The following OR1L8 variants were observed in gnomAD, a reference collection of about 807,000 sequenced individuals.
OR1L8 encodes the protein olfactory receptor 1L8.
For synonymous variants in OR1L8, 148 were observed against 147.0 expected, an observed-to-expected ratio of 1.01 and a Z score of -0.05; for missense variants, 330 against 377.4, an observed-to-expected ratio of 0.87 and a Z score of 1.04.
At position 122,567,690 on chromosome 9, in the gene OR1L8, G is replaced by GA. The variant is rs1829455132; in HGVS notation, c.787_788insT (p.Pro263LeufsTer57). ...GTCCTTGACAGCGTAGGTGGATGGG[G>GA]GCTGTAAATAGACACAGAAGATGCT... On this transcript the variant is annotated frameshift_variant, in exon 5 of 5. Coordinates refer to ENST00000641027, the MANE Select transcript of OR1L8 (RefSeq NM_001004454.2). LOFTEE classifies it low-confidence loss of function (END_TRUNC). The GA allele has an allele frequency of 1.2e-6, 2 of 1,614,104 alleles. No individual in the cohort carries two copies. Among genetic ancestry groups the GA allele is most frequent in the East Asian group, 4.5e-5 (2 of 44,878 alleles).
chr9:122,582,655 G>A (rs1829751969), intron 1 of OR1L8, among the ~76,000 whole-genome samples: 1 of 152,078 alleles, frequency 6.6e-6, no homozygotes, highest in Non-Finnish European at 1.5e-5. Context: ...AGGAGTTTGA[G>A]GCTACAGTAA....
the OR1L8 span, among the ~76,000 whole-genome samples, chr9:122,549,235 C>G: frequency 6.6e-6 from 1 of 152,014 alleles, no homozygotes; most frequent in African/African-American, 2.4e-5. Flanking sequence ...GCATGGCATC[C>G]CTCTTGTTAC....
intron 2 of OR1L8, among the ~76,000 whole-genome samples, chr9:122,577,161 T>C (rs1829671281): frequency 6.6e-6 from 1 of 152,228 alleles, no homozygotes; most frequent in Admixed American, 6.5e-5. Context: ...TAAAAATATT[T>C]GTTTCTATGA....
At position 122,570,244 on chromosome 9, in the gene OR1L8, G is replaced by T. The variant is rs1047574593; in HGVS notation, c.-212-1555C>A. 2.0e-5 allele frequency among the ~76,000 whole-genome samples: 3 copies of T among 151,402 alleles called. 1 individual carries two copies. In the South Asian group the frequency reaches 6.3e-4, roughly 32 times the overall value. On this transcript the variant is annotated intron_variant, in intron 4 of 4. Transcript: ENST00000641027. ...GGTATTTCTAGTTCTAGATCCCTGA[G>T]GAATCGCCACACTGACTTCCACAAT...
At position 122,567,952 on chromosome 9, in the gene OR1L8, G is replaced by A. The variant is rs774004806; in HGVS notation, c.526C>T (p.His176Tyr). The change falls in exon 5 of 5, where the codon CAC (histidine) becomes TAC (tyrosine). Residue 176 changes from histidine to tyrosine, a missense_variant. His to Tyr is a moderately conservative substitution (Grantham distance 83). Transcript: ENST00000641027. Reference sequence around the variant, plus strand: ...GGGCTGAGGTCACAGAGAAAGTGGTGGATAACATTGGAGTCACAGAAGGTG... The same window carrying A: ...GGGCTGAGGTCACAGAGAAAGTGGTAGATAACATTGGAGTCACAGAAGGTG... ...RLTFCDSNVI[H>Y]HFLCDLSPVL... 25 of 1,614,034 alleles carry A rather than the reference G, an allele frequency of 1.5e-5. No homozygotes were observed. Among genetic ancestry groups the A allele is most frequent in the Non-Finnish European group, 2.0e-5 (24 of 1,180,034 alleles).
the OR1L8 span, among the ~76,000 whole-genome samples, chr9:122,559,406 A>G: frequency 6.6e-6 from 1 of 152,090 alleles, no homozygotes; most frequent in African/African-American, 2.4e-5. Context: ...GCAACTATCA[A>G]CTGGTCATCT....
chr9:122,547,903 T>A, the OR1L8 span, among the ~76,000 whole-genome samples: 1 of 152,162 alleles, frequency 6.6e-6, no homozygotes, highest in Non-Finnish European at 1.5e-5. Context: ...TTTACATTCC[T>A]ACCAACATTG....
chr9:122,564,622 A>G (rs932547961), downstream of OR1L8, among the ~76,000 whole-genome samples: 9 of 152,334 alleles, frequency 5.9e-5, no homozygotes, highest in African/African-American at 2.2e-4. Context: ...CTGGAGAATG[A>G]CAGTGGATTA....
Position 122,567,358 on chromosome 9 carries a change from C to G in OR1L8, c.*190G>C. ...AGAAAGAGGAGACACAGACAGGAAA[C>G]GATTGTGATTTAAGAGATACAGGCC... On this transcript the variant is annotated 3_prime_UTR_variant, in exon 5 of 5. Transcript: ENST00000641027. 2.2e-6 allele frequency: 1 copy of G among 450,340 alleles called. No homozygotes were observed. Among genetic ancestry groups the G allele is most frequent in the Non-Finnish European group, 3.9e-6 (1 of 257,024 alleles). The allele number at this position is 450,340 out of a possible 1,614,324, so 27.9% of individuals were successfully genotyped here. A position where few individuals can be genotyped will look rare whatever the true frequency, so the allele number is the denominator to read the frequency against.
chr9:122,582,756 A>G (rs1588222248), intron 1 of OR1L8, among the ~76,000 whole-genome samples: 1 of 152,158 alleles, frequency 6.6e-6, no homozygotes, highest in East Asian at 1.9e-4. Flanking sequence ...AAAAAAAGAC[A>G]TAATGAGCAA....
In OR1L8 at chr9:122,568,449, AC is replaced by A; in HGVS notation, c.28del (p.Val10SerfsTer31). 1 of 1,607,568 alleles carries A rather than the reference AC, an allele frequency of 6.2e-7. No individual in the cohort carries two copies. The highest frequency in any genetic ancestry group is 8.5e-7 in the Non-Finnish European group (1 of 1,176,378). ...GAGTCCCAGGAGGATAAACTCGGAG[AC>A]ACTGCTGGTGTGGTTGATTCTTTCC... MERINHTSS[V>X]SEFILLGLSS... is the part of the protein sequence containing the mutation. On this transcript the variant is annotated frameshift_variant, in exon 5 of 5. Coordinates refer to ENST00000641027, the MANE Select transcript of OR1L8 (RefSeq NM_001004454.2). LOFTEE classifies it low-confidence loss of function (END_TRUNC).
At chr9:122,548,089 T>C in the OR1L8 span, among the ~76,000 whole-genome samples, 2 of 152,230 alleles carry the variant, frequency 1.3e-5, no homozygotes, top group East Asian at 1.9e-4. Flanking sequence ...TTGTATGTTT[T>C]GTTTTGCTCA....
At chr9:122,561,224 G>C in the OR1L8 span, among the ~76,000 whole-genome samples, 2 of 152,078 alleles carry the variant, frequency 1.3e-5, no homozygotes, top group African/African-American at 4.8e-5. Context: ...GATTGTTCTA[G>C]TTAGCAGCTC....
chr9:122,568,165 G>C lies in OR1L8; in HGVS notation c.313C>G (p.Leu105Val), dbSNP rs769760570. Residue 105 changes from leucine to valine, a missense_variant, in exon 5 of 5, where the codon CTC becomes GTC. By Grantham distance (32) the Leu-to-Val change is conservative. Coordinates refer to ENST00000641027, the MANE Select transcript of OR1L8 (RefSeq NM_001004454.2). ...CTGTCACTGTTGCCCAAGGCATAGA[G>C]AAAATACATCTGTGTCAGACACCCA... is the stretch of plus-strand genomic sequence containing the variant. The part of the protein sequence containing the change: ...YAGCLTQMYF[L>V]YALGNSDSCL... The C allele has an allele frequency of 3.8e-5, 62 of 1,614,092 alleles. No individual in the cohort carries two copies. The highest frequency in any genetic ancestry group is 5.0e-5 in the Non-Finnish European group (59 of 1,180,038).
chr9:122,579,850 T>C (rs1829716294), intron 1 of OR1L8, among the ~76,000 whole-genome samples: 1 of 152,140 alleles, frequency 6.6e-6, no homozygotes, highest in African/African-American at 2.4e-5. Flanking sequence ...TACAAAGTCA[T>C]TGGAAATGTT....
At chr9:122,575,838 C>G (rs77024519) in intron 3 of OR1L8, among the ~76,000 whole-genome samples, 2,382 of 152,270 alleles carry the variant, frequency 0.016, 32 homozygotes, top group South Asian at 0.025. Flanking sequence ...TACATTAGAT[C>G]TCTAGACTTG....
chr9:122,553,693 T>G, the OR1L8 span: 3 of 1,614,116 alleles, frequency 1.9e-6, no homozygotes, highest in Non-Finnish European at 1.7e-6. Flanking sequence ...CCTGCCCTGA[T>G]GCACACACTG....
At chr9:122,566,867 T>C (rs888347226), downstream of OR1L8, among the ~76,000 whole-genome samples, 32 of 152,204 alleles carry the variant, frequency 2.1e-4, no homozygotes, top group Non-Finnish European at 1.5e-5. Context: ...CAACCTCCCC[T>C]GTGTGAAATG....
the OR1L8 span, chr9:122,553,940 C>T: frequency 1.2e-6 from 2 of 1,613,950 alleles, no homozygotes; most frequent in Non-Finnish European, 1.7e-6. Context: ...CCTTCTCTAC[C>T]TGTGGTTCTC....
Sources: gnomAD v4.1 joint callset for allele counts (sites outside exome capture counted in the v4.1 genomes callset) on GRCh38, gnomAD v4.1.1 for gene constraint, MANE v1.5 for transcripts, NCBI Gene and HGNC (gene_info 2026-07-23, HGNC 2026-07-21) for gene names.